HNMT: variants seen among roughly 807,000 people sequenced by gnomAD.
HNMT encodes histamine N-methyltransferase.
HNMT carries 30 observed loss-of-function variants against 32.1 expected under a neutral mutation model. The ratio of observed to expected loss-of-function variants is 0.93; its 90% CI spans 0.70 to 1.27. HNMT has a LOEUF of 1.27. Among genes scored for constraint, HNMT ranks in the 50% most tolerant of loss-of-function variants. The pLI is 0.00. For synonymous variants in HNMT, 125 were observed against 119.0 expected, an observed-to-expected ratio of 1.05 and a Z score of -0.33; for missense variants, 327 against 346.0, an observed-to-expected ratio of 0.95 and a Z score of 0.43.
intron 4 of HNMT, 61 bp downstream of exon 4, chr2:138,002,255 T>C: frequency 1.7e-6 from 2 of 1,183,630 alleles, no homozygotes; most frequent in Non-Finnish European, 2.2e-6. Context: ...ATATATATAA[T>C]GAATATCTAC....
chr2:138,004,771 T>C (rs1392609897), intron 4 of HNMT, among the ~76,000 whole-genome samples: 1 of 152,018 alleles, frequency 6.6e-6, no homozygotes, highest in Non-Finnish European at 1.5e-5. Flanking sequence ...CCAGAACCAT[T>C]TTCTCCCAGA....
At chr2:137,989,082 A>T (rs188330194) in intron 2 of HNMT, among the ~76,000 whole-genome samples, 9 of 152,314 alleles carry the variant, frequency 5.9e-5, no homozygotes, top group East Asian at 3.9e-4. Flanking sequence ...CCATTGACAT[A>T]TAATTACTAG....
chr2:138,013,476 G>A (rs1414834297), intron 5 of HNMT, among the ~76,000 whole-genome samples: 1 of 152,016 alleles, frequency 6.6e-6, no homozygotes, highest in Non-Finnish European at 1.5e-5. Context: ...TCCATGTCTT[G>A]CTGTCAGGTC....
chr2:137,990,460 C>T (rs984685180), intron 2 of HNMT, among the ~76,000 whole-genome samples: 4 of 152,082 alleles, frequency 2.6e-5, no homozygotes, highest in South Asian at 2.1e-4. Flanking sequence ...ATTCTTTTGC[C>T]ATTACCAGGC....
intron 2 of HNMT, among the ~76,000 whole-genome samples, chr2:137,984,262 A>C: frequency 6.6e-6 from 1 of 152,166 alleles, no homozygotes; most frequent in South Asian, 2.1e-4. Flanking sequence ...TAGGTTATGC[A>C]TATATTTAAT....
At chr2:138,001,085 G>T (rs966640093) in intron 3 of HNMT, 60 bp downstream of exon 3, 4 of 836,022 alleles carry the variant, frequency 4.8e-6, no homozygotes, top group Admixed American at 2.4e-5. Flanking sequence ...AACTCAAATT[G>T]TTCCCTTGAA....
Position 138,014,386 on chromosome 2 carries a change from A to T in HNMT, c.*256A>T. On this transcript the variant is annotated 3_prime_UTR_variant, in exon 6 of 6. Transcript: ENST00000280097. ...TAACATAAGCTAGAAAAATTAGATG[A>T]CTGAATTTCTATGGCATATTGATAA... 2.9e-6 allele frequency: 1 copy of T among 348,254 alleles called. No individual in the cohort carries two copies. Among genetic ancestry groups the T allele is most frequent in the South Asian group, 9.2e-5 (1 of 10,860 alleles). 21.6% of individuals were successfully genotyped at this position (348,254 alleles called of 1,614,324 possible).
chr2:137,973,167 A>G (rs933760678), intron 2 of HNMT, among the ~76,000 whole-genome samples: 2 of 152,230 alleles, frequency 1.3e-5, no homozygotes, highest in African/African-American at 4.8e-5. Context: ...CAACTAAGTT[A>G]TATGAAATCA....
chr2:137,972,779 G>A (rs3100701), intron 2 of HNMT, among the ~76,000 whole-genome samples: 58,819 of 151,932 alleles, frequency 0.39, 11,613 homozygotes, highest in Middle Eastern at 0.48. Flanking sequence ...TGGACAAGAA[G>A]AGAAGGCCTA....
At chr2:138,003,358 G>T (rs542761319) in intron 4 of HNMT, among the ~76,000 whole-genome samples, 24 of 152,078 alleles carry the variant, frequency 1.6e-4, no homozygotes, top group Non-Finnish European at 3.1e-4. Flanking sequence ...GGTTACCAAC[G>T]GGAAATGTAC....
intron 3 of HNMT, among the ~76,000 whole-genome samples, chr2:138,001,699 G>T (rs932138312): frequency 6.6e-6 from 1 of 152,018 alleles, no homozygotes; most frequent in Admixed American, 6.6e-5. Flanking sequence ...TAAGTAGCAG[G>T]CTAGATATAG....
chr2:137,977,034 T>C (rs1243538203), intron 2 of HNMT, among the ~76,000 whole-genome samples: 1 of 152,180 alleles, frequency 6.6e-6, no homozygotes, highest in Non-Finnish European at 1.5e-5. Context: ...GACAAAACTA[T>C]CATTGCAGAT....
intron 2 of HNMT, chr2:137,981,251 C>G: frequency 6.2e-7 from 1 of 1,613,414 alleles, no homozygotes; most frequent in Non-Finnish European, 8.5e-7. Context: ...GGTTCTCAAG[C>G]GGAATTCGTG....
At chr2:138,000,567 TAA>T (rs5834601) in intron 2 of HNMT, among the ~76,000 whole-genome samples, 1 of 151,940 alleles carries the variant, frequency 6.6e-6, no homozygotes, top group Non-Finnish European at 1.5e-5. Flanking sequence ...CTCCAGTTGA[TAA>T]AAATCTTAAA....
Position 137,967,008 on chromosome 2 carries a change from C to A in HNMT, c.137+2380C>A, listed in dbSNP as rs1679977904. 6 of 766,390 alleles carry A rather than the reference C, an allele frequency of 7.8e-6. No homozygotes were observed. The Admixed American group carries it at 9.0e-5, about 11-fold the overall frequency. 47.5% of individuals were successfully genotyped at this position (766,390 alleles called of 1,614,324 possible). ...TTGTATGTTTAAAAATCCCTTGGTT[C>A]TATGTTAATCGTTTGACTGGATATA... On this transcript the variant is annotated intron_variant, in intron 1 of 5. Coordinates refer to ENST00000280097, the MANE Select transcript of HNMT (RefSeq NM_006895.3).
intron 2 of HNMT, among the ~76,000 whole-genome samples, chr2:137,996,313 T>C (rs1680992507): frequency 6.6e-6 from 1 of 152,188 alleles, no homozygotes; most frequent in East Asian, 1.9e-4. Context: ...GATAAGCAAC[T>C]TCAGCAAAGT....
chr2:138,002,096 G>A lies in HNMT; in HGVS notation c.331G>A (p.Val111Ile), dbSNP rs779158046. The A allele has an allele frequency of 1.0e-5, 16 of 1,596,370 alleles. 1 individual carries two copies. The highest frequency in any genetic ancestry group is 6.8e-5 in the East Asian group (3 of 44,240). ...AGCCAAGACATCGAACCTCGAGAACGTAAAGTTTGCTTGGCATAAGGAGAC... is the reference window on the plus strand; with the variant it reads ...AGCCAAGACATCGAACCTCGAGAACATAAAGTTTGCTTGGCATAAGGAGAC... ...LVAKTSNLEN[V>I]KFAWHKETSS... Residue 111 changes from valine (V) to isoleucine (I), a missense_variant, in exon 4 of 6, where the codon GTA becomes ATA. Val to Ile is a conservative substitution (Grantham distance 29). Transcript: ENST00000280097.
chr2:138,004,936 T>C (rs1012349570), intron 4 of HNMT, among the ~76,000 whole-genome samples, 196 bp from the exon 5 acceptor site: 1 of 152,070 alleles, frequency 6.6e-6, no homozygotes, highest in Non-Finnish European at 1.5e-5. Context: ...TACCATACTT[T>C]TCCATTTCCC....
chr2:137,989,525 A>C (rs1680754657), intron 2 of HNMT, among the ~76,000 whole-genome samples: 1 of 152,174 alleles, frequency 6.6e-6, no homozygotes, highest in South Asian at 2.1e-4. Flanking sequence ...GTTACTTCCA[A>C]GCTTTGGCAA....
Sources: allele counts gnomAD v4.1 joint callset (sites outside exome capture counted in the v4.1 genomes callset), GRCh38; gene constraint gnomAD v4.1.1; transcripts MANE v1.5; gene names NCBI Gene and HGNC (gene_info 2026-07-23, HGNC 2026-07-21).